PLEKHH1: variants seen among roughly 807,000 people sequenced by gnomAD.
PLEKHH1 encodes the protein pleckstrin homology, MyTH4 and FERM domain containing H1.
A neutral mutation model predicts 160.0 loss-of-function variants in PLEKHH1; 104 were observed. The ratio of observed to expected loss-of-function variants is 0.65; its 90% CI spans 0.55 to 0.76. The LOEUF is 0.76. PLEKHH1 is among the 30% of genes least tolerant of loss of function. The probability of loss-of-function intolerance (pLI) is 0.00; values close to 1 mark genes in which losing one functional copy is unlikely to be tolerated. For synonymous variants in PLEKHH1, 619 were observed against 678.4 expected (o/e 0.91, Z 1.36); for missense variants, 1,427 against 1,724.1 (o/e 0.83, Z 3.05).
intron 2 of PLEKHH1, among the ~76,000 whole-genome samples, chr14:67,549,267 T>C (rs1332471803): frequency 1.3e-5 from 2 of 149,324 alleles, no homozygotes; most frequent in Non-Finnish European, 2.9e-5. Flanking sequence ...GTAAAAGAGA[T>C]TTTTAATTTT....
chr14:67,548,580 C>T (rs2034270971), intron 2 of PLEKHH1, among the ~76,000 whole-genome samples: 1 of 152,080 alleles, frequency 6.6e-6, no homozygotes, highest in South Asian at 2.1e-4. Context: ...GCCTGTAATC[C>T]CAGCTACTCT....
At position 67,575,979 on chromosome 14, in the gene PLEKHH1, C is replaced by T. The variant is rs2035609024; in HGVS notation, c.2326C>T (p.Leu776Phe). ...CCCCACAGAGCACAGCCCCACCTAC[C>T]TCCTCATTGGCACCAAGCATGAAAA... ...IHPTEHSPTYLLIGTKHEKDT... is the reference protein window; with the variant it reads ...IHPTEHSPTYFLIGTKHEKDT... Residue 776 changes from leucine (L) to phenylalanine (F), a missense_variant, in exon 16 of 29, where the codon CTC becomes TTC. Physicochemically the swap from Leu to Phe is conservative, Grantham distance 22. Around this residue, in one of 6 missense-constraint regions of PLEKHH1, gnomAD observed 436 missense variants for 607.5 expected, o/e 0.72. Transcript: ENST00000329153. The T allele has an allele frequency of 1.2e-6, 2 of 1,613,290 alleles. No individual in the cohort carries two copies. Among genetic ancestry groups the T allele is most frequent in the African/African-American group, 2.7e-5 (2 of 75,030 alleles).
At position 67,562,528 on chromosome 14, in the gene PLEKHH1, C is replaced by T; in HGVS notation, c.897C>T (p.Thr299=). Residue 299 remains threonine, a synonymous_variant, in exon 7 of 29, where the codon ACC becomes ACT. Transcript: ENST00000329153. The part of the protein sequence containing the change: ...AQRGMLPGTK[T]SAREGGPGSS... ...GAGGGATGCTCCCTGGGACAAAGAC[C>T]TCTGCCAGGGAAGGTGGTCCTGGCA... 6.2e-7 allele frequency: 1 copy of T among 1,609,424 alleles called. No individual in the cohort carries two copies. Among genetic ancestry groups the T allele is most frequent in the Non-Finnish European group, 8.5e-7 (1 of 1,176,174 alleles).
At chr14:67,571,701 G>A in intron 9 of PLEKHH1, 51 bp from the exon 10 acceptor site, 1 of 1,590,698 alleles carries the variant, frequency 6.3e-7, no homozygotes, top group Non-Finnish European at 8.6e-7. Context: ...AGGGTTGGGA[G>A]AGGACTGTTT....
In PLEKHH1 at chr14:67,587,119, A is replaced by G. The variant is rs1456628367; in HGVS notation, c.3979A>G (p.Thr1327Ala). The G allele has an allele frequency of 6.2e-7, 1 of 1,613,626 alleles. No individual in the cohort carries two copies. The highest frequency in any genetic ancestry group is 8.5e-7 in the Non-Finnish European group (1 of 1,179,788). ...FIMASYMNHC[T>A]TTVNPPTNPP... ...CATGGCCAGCTATATGAACCATTGC[A>G]CTACAACTGTGAACCCCCCCACCAA... The change falls in exon 29 of 29, where the codon ACT becomes GCT. Residue 1327 changes from threonine (T) to alanine (A), a missense_variant. By Grantham distance (58) the Thr-to-Ala change is moderately conservative. Around this residue, in one of 6 missense-constraint regions of PLEKHH1, gnomAD observed 96 missense variants for 97.6 expected, o/e 0.98. Transcript: ENST00000329153.
In PLEKHH1 at chr14:67,571,878, GGCA is replaced by G. The variant is rs2035392620; in HGVS notation, c.1564_1566del (p.Ser522del). 1 of 1,612,000 alleles carries G rather than the reference GGCA, an allele frequency of 6.2e-7. No individual in the cohort carries two copies. The highest frequency in any genetic ancestry group is 1.7e-5 in the Admixed American group (1 of 59,682). On this transcript the variant is annotated inframe_deletion, in exon 10 of 29. Transcript: ENST00000329153. ...TGAGTCCAGGAAGACCAGCGGACTA[GGCA>G]GCCCCCGGGCCATCAAGAGAGGTAC...
At chr14:67,563,554 C>A (rs2034942421) in intron 7 of PLEKHH1, among the ~76,000 whole-genome samples, 1 of 152,098 alleles carries the variant, frequency 6.6e-6, no homozygotes, top group South Asian at 2.1e-4. Flanking sequence ...CCGCCTCAGC[C>A]TCCCAAGTAG....
intron 28 of PLEKHH1, 54 bp from the exon 29 acceptor site, chr14:67,587,020 C>T: frequency 6.5e-7 from 1 of 1,533,746 alleles, no homozygotes; most frequent in Non-Finnish European, 8.8e-7. Context: ...GTAAGAAAGC[C>T]AGGATTCAAG....
intron 28 of PLEKHH1, chr14:67,586,862 T>C (rs2036191959): frequency 1.3e-6 from 2 of 1,511,856 alleles, no homozygotes; most frequent in Non-Finnish European, 1.8e-6. Context: ...GCACTGTGCA[T>C]CTGAGAGGAT....
chr14:67,538,645 A>G (rs1015851940), intron 1 of PLEKHH1, among the ~76,000 whole-genome samples: 2 of 152,132 alleles, frequency 1.3e-5, no homozygotes, highest in African/African-American at 4.8e-5. Context: ...TGGGTTTGGC[A>G]GCAGGCACCC....
intron 2 of PLEKHH1, among the ~76,000 whole-genome samples, chr14:67,555,093 A>C (rs868662124): frequency 3.3e-5 from 5 of 151,966 alleles, no homozygotes; most frequent in Admixed American, 1.3e-4. Context: ...AAAAAGAAAA[A>C]TTTTAGTAGA....
At chr14:67,577,983 G>A (rs1307947393) in intron 18 of PLEKHH1, 40 bp from the exon 19 acceptor site, 2 of 1,584,160 alleles carry the variant, frequency 1.3e-6, no homozygotes, top group African/African-American at 2.7e-5. Flanking sequence ...TGAACCCAGG[G>A]GATGCTGGTC....
chr14:67,552,911 A>G (rs1333865871), intron 2 of PLEKHH1, among the ~76,000 whole-genome samples: 1 of 152,206 alleles, frequency 6.6e-6, no homozygotes, highest in African/African-American at 2.4e-5. Flanking sequence ...CATTCAATCT[A>G]CTTCAGTAAT....
At chr14:67,552,071 G>A (rs1594753644) in intron 2 of PLEKHH1, among the ~76,000 whole-genome samples, 2 of 152,312 alleles carry the variant, frequency 1.3e-5, no homozygotes, top group Admixed American at 1.3e-4. Flanking sequence ...ACACTTGGGG[G>A]TTAAATACCA....
intron 2 of PLEKHH1, among the ~76,000 whole-genome samples, chr14:67,554,229 T>TG (rs1267426719): frequency 6.6e-6 from 1 of 152,184 alleles, no homozygotes; most frequent in African/African-American, 2.4e-5. Context: ...AGCAGCAGGC[T>TG]GGGGGGTCCT....
At chr14:67,568,010 G>A (rs937674289) in intron 7 of PLEKHH1, among the ~76,000 whole-genome samples, 14 of 152,188 alleles carry the variant, frequency 9.2e-5, no homozygotes, top group East Asian at 1.9e-4. Flanking sequence ...CCCTCAGGAC[G>A]GGCATTCTCC....
intron 7 of PLEKHH1, among the ~76,000 whole-genome samples, chr14:67,567,437 C>T (rs1472382065): frequency 6.6e-6 from 1 of 152,158 alleles, no homozygotes; most frequent in Non-Finnish European, 1.5e-5. Flanking sequence ...GTTTCATTTC[C>T]TCTGCAAAGT....
intron 2 of PLEKHH1, among the ~76,000 whole-genome samples, chr14:67,554,574 C>T (rs192089630): frequency 1.6e-3 from 237 of 152,286 alleles, no homozygotes; most frequent in African/African-American, 5.6e-3. Flanking sequence ...GACATGAGAG[C>T]GGGATGCATG....
At chr14:67,545,079 GTTTC>G (rs1425979184) in intron 2 of PLEKHH1, among the ~76,000 whole-genome samples, 2 of 152,184 alleles carry the variant, frequency 1.3e-5, no homozygotes, top group Non-Finnish European at 2.9e-5. Flanking sequence ...CCAGGCTGAT[GTTTC>G]TTTCTTTCTC....
Sources: allele counts gnomAD v4.1 joint callset (sites outside exome capture counted in the v4.1 genomes callset), GRCh38; gene constraint gnomAD v4.1.1; regional missense constraint gnomAD v4.1.1; transcripts MANE v1.5; gene names NCBI Gene and HGNC (gene_info 2026-07-23, HGNC 2026-07-21).